The following KCTD1 variants were observed in gnomAD, a reference collection of about 807,000 sequenced individuals.
KCTD1 encodes potassium channel tetramerization domain containing 1, also known as BTB/POZ domain-containing protein KCTD1.
KCTD1 carries 24 observed loss-of-function variants against 66.0 expected under a neutral mutation model. The ratio of observed to expected loss-of-function variants is 0.36; its 90% CI spans 0.26 to 0.51. KCTD1 has a LOEUF of 0.51. KCTD1 is among the 20% of genes least tolerant of loss of function. KCTD1 has a pLI of 0.95. For synonymous variants in KCTD1, 511 were observed against 517.2 expected (o/e 0.99, Z 0.16); for missense variants, 943 against 1,205.2 (o/e 0.78, Z 3.22).
chr18:26,520,713 C>T (rs990715371), intron 1 of KCTD1, among the ~76,000 whole-genome samples: 1 of 152,158 alleles, frequency 6.6e-6, no homozygotes, highest in African/African-American at 2.4e-5. Context: ...TTACTATGTC[C>T]CAAACAAGAG....
intron 1 of KCTD1, among the ~76,000 whole-genome samples, chr18:26,512,356 G>A (rs980184198): frequency 4.0e-5 from 6 of 151,828 alleles, no homozygotes; most frequent in African/African-American, 1.2e-4. Context: ...GCCTGCCTCT[G>A]CCTCTTAAAG....
At chr18:26,505,351 A>T (rs765941895) in intron 1 of KCTD1, among the ~76,000 whole-genome samples, 3 of 152,230 alleles carry the variant, frequency 2.0e-5, no homozygotes, top group Non-Finnish European at 2.9e-5. Flanking sequence ...AGGGACTTGG[A>T]TGTGCCGTCA....
At chr18:26,517,017 C>T (rs1289387544) in intron 1 of KCTD1, among the ~76,000 whole-genome samples, 1 of 152,116 alleles carries the variant, frequency 6.6e-6, no homozygotes, top group Non-Finnish European at 1.5e-5. Context: ...ATAATACTTC[C>T]CAGGACAGAA....
upstream of KCTD1, chr18:26,549,382 A>T: frequency 1.0e-6 from 1 of 985,486 alleles, no homozygotes; most frequent in Non-Finnish European, 1.2e-6. Context: ...TTAAGCTGTC[A>T]TTAAAGACCT....
chr18:26,547,165 T>C lies in KCTD1; in HGVS notation c.1372A>G (p.Ile458Val). Residue 458 changes from isoleucine (I) to valine (V), a missense_variant, in exon 1 of 5, where the codon ATC (isoleucine) becomes GTC (valine). Coordinates refer to ENST00000580059, the MANE Select transcript of KCTD1 (RefSeq NM_001142730.3). ...YTNHCIGAVSIATLNSIAGIG... is the reference protein window; with the variant it reads ...YTNHCIGAVSVATLNSIAGIG... ...CCCGCGATGCTGTTGAGCGTGGCGATGGAGACGGCGCCGATGCAGTGGTTG... is the reference window on the plus strand; with the variant it reads ...CCCGCGATGCTGTTGAGCGTGGCGACGGAGACGGCGCCGATGCAGTGGTTG... 6.4e-7 allele frequency: 1 copy of C among 1,551,114 alleles called. No individual in the cohort carries two copies.
intron 1 of KCTD1, among the ~76,000 whole-genome samples, chr18:26,608,795 G>A (rs762654621): frequency 4.1e-4 from 63 of 152,174 alleles, no homozygotes; most frequent in Non-Finnish European, 7.5e-4. Context: ...AGTGAGCTGC[G>A]TCTTTTCTGC....
chr18:26,529,861 A>G (rs1984353400), intron 1 of KCTD1, among the ~76,000 whole-genome samples: 2 of 152,252 alleles, frequency 1.3e-5, no homozygotes, highest in African/African-American at 4.8e-5. Flanking sequence ...ATTAGTGACA[A>G]TAGTCACTAA....
intron 1 of KCTD1, among the ~76,000 whole-genome samples, chr18:26,593,336 A>AGAGGAGGAAGAGGAG (rs773352258): frequency 0.16 from 18,119 of 114,356 alleles, 1,688 homozygotes; most frequent in Non-Finnish European, 0.21. Flanking sequence ...AGGAGGAGGA[A>AGAGGAGGAAGAGGAG]GAGGAGGAAG....
At chr18:26,592,217 C>A (rs1986625245) in intron 1 of KCTD1, among the ~76,000 whole-genome samples, 1 of 152,026 alleles carries the variant, frequency 6.6e-6, no homozygotes, top group Non-Finnish European at 1.5e-5. Context: ...GAAAAAAATC[C>A]CTTATGATAC....
At chr18:26,503,241 T>G (rs923965402) in intron 1 of KCTD1, among the ~76,000 whole-genome samples, 1 of 152,084 alleles carries the variant, frequency 6.6e-6, no homozygotes, top group East Asian at 1.9e-4. Flanking sequence ...AAATAGATAT[T>G]GAAAAACACA....
intron 1 of KCTD1, among the ~76,000 whole-genome samples, chr18:26,514,365 C>T (rs556737036): frequency 2.8e-4 from 42 of 152,012 alleles, no homozygotes; most frequent in African/African-American, 3.9e-4. Context: ...CCAGCCTGGG[C>T]AACACAGTGA....
chr18:26,472,417 TTTA>T (rs1421449857), intron 3 of KCTD1, among the ~76,000 whole-genome samples: 1 of 152,204 alleles, frequency 6.6e-6, no homozygotes, highest in Non-Finnish European at 1.5e-5. Context: ...TAAAAATTAT[TTTA>T]TTGTTTTATT....
chr18:26,606,758 T>C (rs1987025982), intron 1 of KCTD1, among the ~76,000 whole-genome samples: 1 of 152,178 alleles, frequency 6.6e-6, no homozygotes, highest in Admixed American at 6.5e-5. Context: ...CAAGTCAGAC[T>C]CAGGTCAGCA....
intron 1 of KCTD1, among the ~76,000 whole-genome samples, chr18:26,603,709 C>T (rs530505459): frequency 6.6e-6 from 1 of 151,078 alleles, no homozygotes; most frequent in South Asian, 2.1e-4. Context: ...TGCCACTGCA[C>T]TCCAGGCTGA....
At chr18:26,521,401 C>T (rs1003888627) in intron 1 of KCTD1, among the ~76,000 whole-genome samples, 1 of 152,184 alleles carries the variant, frequency 6.6e-6, no homozygotes, top group Non-Finnish European at 1.5e-5. Flanking sequence ...TCAGTTCAAC[C>T]CATTTTCCAG....
intron 3 of KCTD1, among the ~76,000 whole-genome samples, chr18:26,465,820 G>A (rs905013243): frequency 2.0e-5 from 3 of 152,218 alleles, no homozygotes; most frequent in Admixed American, 1.3e-4. Context: ...TGGTGCCGGG[G>A]TGGGGCTGGC....
At chr18:26,656,546 C>G (rs879414164) in intron 1 of KCTD1, among the ~76,000 whole-genome samples, 52 of 150,270 alleles carry the variant, frequency 3.5e-4, no homozygotes, top group South Asian at 2.5e-3. Context: ...CGGCCGGCGA[C>G]GAAGAGCGCC....
At chr18:26,541,382 C>A (rs1230940548) in intron 1 of KCTD1, among the ~76,000 whole-genome samples, 1 of 152,190 alleles carries the variant, frequency 6.6e-6, no homozygotes, top group Non-Finnish European at 1.5e-5. Context: ...AACGCAGACA[C>A]TTTTCACTTA....
chr18:26,606,013 A>T (rs1987006945), intron 1 of KCTD1, among the ~76,000 whole-genome samples: 1 of 152,086 alleles, frequency 6.6e-6, no homozygotes, highest in South Asian at 2.1e-4. Context: ...TAAGACTTAC[A>T]TTGGTTCAAT....
Sources: gnomAD v4.1 joint callset for allele counts (sites outside exome capture counted in the v4.1 genomes callset) on GRCh38, gnomAD v4.1.1 for gene constraint, MANE v1.5 for transcripts, NCBI Gene and HGNC (gene_info 2026-07-23, HGNC 2026-07-21) for gene names.